SIL1: variants seen among roughly 807,000 people sequenced by gnomAD.
The protein encoded by SIL1 is SIL1 nucleotide exchange factor, also known as nucleotide exchange factor SIL1.
In SIL1, 40 loss-of-function variants were observed where a neutral mutation model predicts 49.1. The observed-to-expected ratio is 0.81, with a 90% CI of 0.63 to 1.06. The LOEUF is 1.06. Ranked by LOEUF, SIL1 falls within the 50% of genes least tolerant of loss-of-function variation. The pLI is 0.00. For missense variants in SIL1, 500 were observed against 572.6 expected (o/e 0.87, Z 1.29); for synonymous variants, 253 against 250.8 (o/e 1.01, Z -0.08).
chr5:139,135,529 A>G (rs1750956403), intron 1 of SIL1, among the ~76,000 whole-genome samples: 1 of 152,186 alleles, frequency 6.6e-6, no homozygotes, highest in African/African-American at 2.4e-5. Context: ...AGGGCTCCAC[A>G]GGCCCAGCTG....
At position 139,029,221 on chromosome 5, in the gene SIL1, A is replaced by C. The variant is rs1768730882; in HGVS notation, c.454-2229T>G. ...TGGCAATGAAATTTGAATTGAATGTACATGGAGTTATAGAAGAAATGGCTG... is the reference window on the plus strand; with the variant it reads ...TGGCAATGAAATTTGAATTGAATGTCCATGGAGTTATAGAAGAAATGGCTG... On this transcript the variant is annotated intron_variant, in intron 5 of 9. Coordinates refer to ENST00000394817, the MANE Select transcript of SIL1 (RefSeq NM_022464.5). Among the ~76,000 whole-genome samples, 3 of 152,248 alleles carry C rather than the reference A, an allele frequency of 2.0e-5. No individual in the cohort carries two copies. The South Asian group carries it at 6.2e-4, about 31-fold the overall frequency.
chr5:139,150,335 G>C (rs975721765), intron 1 of SIL1, among the ~76,000 whole-genome samples: 2 of 151,982 alleles, frequency 1.3e-5, no homozygotes, highest in African/African-American at 2.4e-5. Flanking sequence ...TCCTCCTCCA[G>C]GACTGCCTAG....
At chr5:139,141,160 C>T (rs1355091027) in intron 1 of SIL1, among the ~76,000 whole-genome samples, 1 of 152,194 alleles carries the variant, frequency 6.6e-6, no homozygotes, top group African/African-American at 2.4e-5. Flanking sequence ...TGACTGGGAG[C>T]TCCACAGCGG....
In SIL1 at chr5:139,109,422, G is replaced by A. The variant is rs370685971; in HGVS notation, c.244+11613C>T. ...AAACAGGGCAGCTTGATAATTCTGTGTCTGCTTGAATAATTTCCCCCTCTC... is the reference window on the plus strand; with the variant it reads ...AAACAGGGCAGCTTGATAATTCTGTATCTGCTTGAATAATTTCCCCCTCTC... On this transcript the variant is annotated intron_variant, in intron 3 of 9. Transcript: ENST00000394817. Among the ~76,000 whole-genome samples the A allele has an allele frequency of 1.4e-3, 207 of 152,188 alleles. 7 individuals are homozygous for A. In the South Asian group the frequency reaches 0.041, roughly 30 times the overall value.
chr5:139,099,191 G>A (rs558472199), intron 3 of SIL1, among the ~76,000 whole-genome samples: 3 of 152,184 alleles, frequency 2.0e-5, no homozygotes, highest in Middle Eastern at 6.8e-3. Context: ...ATCACTGATC[G>A]TCAGAGAAAT....
intron 3 of SIL1, among the ~76,000 whole-genome samples, chr5:139,071,648 A>G (rs112902322): frequency 3.0e-4 from 45 of 150,932 alleles, no homozygotes; most frequent in African/African-American, 8.7e-4. Flanking sequence ...GTGAGCATTC[A>G]TACCTTTTAT....
At chr5:138,999,611 G>A (rs184494043) in intron 7 of SIL1, among the ~76,000 whole-genome samples, 23 of 152,242 alleles carry the variant, frequency 1.5e-4, no homozygotes, top group Admixed American at 2.0e-4. Flanking sequence ...CTATGACTGC[G>A]CCATTATACT....
At chr5:139,173,586 C>T (rs1188384192) in intron 1 of SIL1, among the ~76,000 whole-genome samples, 2 of 151,496 alleles carry the variant, frequency 1.3e-5, no homozygotes, top group Non-Finnish European at 2.9e-5. Context: ...ATACCTAAAA[C>T]TTACACGGGA....
intron 1 of SIL1, among the ~76,000 whole-genome samples, chr5:139,168,103 C>T (rs1308438030): frequency 2.6e-5 from 4 of 152,186 alleles, no homozygotes; most frequent in Non-Finnish European, 4.4e-5. Context: ...CAGTAGCAAG[C>T]TGTACAGGTT....
intron 3 of SIL1, among the ~76,000 whole-genome samples, chr5:139,118,071 T>G (rs1043944973): frequency 6.6e-6 from 1 of 152,090 alleles, no homozygotes; most frequent in African/African-American, 2.4e-5. Context: ...CCATATAAAC[T>G]TGCAATTTTC....
chr5:138,984,531 G>A (rs890977898), intron 7 of SIL1, among the ~76,000 whole-genome samples: 1 of 151,902 alleles, frequency 6.6e-6, no homozygotes, highest in East Asian at 1.9e-4. Context: ...GCTAATTTTT[G>A]TATTTTTAGT....
chr5:138,962,252 T>C (rs1369882029), intron 7 of SIL1, among the ~76,000 whole-genome samples: 1 of 152,082 alleles, frequency 6.6e-6, no homozygotes, highest in Non-Finnish European at 1.5e-5. Context: ...TCAGAGTTGA[T>C]TGGTTGGTTA....
At chr5:139,016,679 A>G (rs1768407715) in intron 7 of SIL1, among the ~76,000 whole-genome samples, 1 of 152,218 alleles carries the variant, frequency 6.6e-6, no homozygotes, top group Non-Finnish European at 1.5e-5. Flanking sequence ...AGTGGCAGCC[A>G]ACAGTTTGAC....
intron 7 of SIL1, among the ~76,000 whole-genome samples, chr5:139,011,929 C>G (rs748129688): frequency 6.6e-6 from 1 of 152,160 alleles, no homozygotes; most frequent in Non-Finnish European, 1.5e-5. Context: ...TCCCCATGGA[C>G]TCTTCACTCA....
intron 3 of SIL1, among the ~76,000 whole-genome samples, chr5:139,111,542 G>A (rs964216496): frequency 6.6e-6 from 1 of 152,084 alleles, no homozygotes; most frequent in Non-Finnish European, 1.5e-5. Flanking sequence ...TCCTGTAGGG[G>A]GTCCTCCATC....
At chr5:138,968,829 G>A (rs555507946) in intron 7 of SIL1, among the ~76,000 whole-genome samples, 9 of 152,278 alleles carry the variant, frequency 5.9e-5, no homozygotes, top group African/African-American at 2.2e-4. Context: ...CACTAGGCAC[G>A]TGGATGGGTT....
chr5:139,193,399 A>G (rs2151824493), intron 1 of SIL1, among the ~76,000 whole-genome samples: 1 of 152,212 alleles, frequency 6.6e-6, no homozygotes, highest in East Asian at 1.9e-4. Context: ...CACAAAAACT[A>G]CTACTAAATA....
intron 1 of SIL1, among the ~76,000 whole-genome samples, chr5:139,132,363 T>A (rs933240266): frequency 1.8e-4 from 28 of 152,300 alleles, no homozygotes; most frequent in Middle Eastern, 6.8e-3. Context: ...GCACACACGC[T>A]AACACTGTCA....
At chr5:138,966,348 G>A (rs1375781999) in intron 7 of SIL1, among the ~76,000 whole-genome samples, 4 of 152,112 alleles carry the variant, frequency 2.6e-5, no homozygotes, top group Non-Finnish European at 5.9e-5. Flanking sequence ...AGCTCCTGAG[G>A]AGTGGACCAC....
Sources: gnomAD v4.1 joint callset for allele counts (sites outside exome capture counted in the v4.1 genomes callset) on GRCh38, gnomAD v4.1.1 for gene constraint, MANE v1.5 for transcripts, NCBI Gene and HGNC (gene_info 2026-07-23, HGNC 2026-07-21) for gene names.